The following TGFBR3 variants were observed in gnomAD, a reference collection of about 807,000 sequenced individuals.
TGFBR3 encodes transforming growth factor beta receptor 3.
TGFBR3 carries 46 observed loss-of-function variants against 87.9 expected under a neutral mutation model. The ratio of observed to expected loss-of-function variants is 0.52; its 90% CI spans 0.41 to 0.67. The LOEUF (loss-of-function observed/expected upper bound fraction) is 0.67, where lower values mean the gene tolerates loss of function less well. Ranked by LOEUF, TGFBR3 falls within the 30% of genes least tolerant of loss-of-function variation. The pLI, the probability that TGFBR3 is intolerant of heterozygous loss-of-function variation, is 0.00. For synonymous variants in TGFBR3, 381 were observed against 391.6 expected, an observed-to-expected ratio of 0.97 and a Z score of 0.32; for missense variants, 866 against 1,041.9, an observed-to-expected ratio of 0.83 and a Z score of 2.32.
intron 2 of TGFBR3, among the ~76,000 whole-genome samples, chr1:91,806,659 G>C (rs984504767): frequency 6.6e-6 from 1 of 152,158 alleles, no homozygotes; most frequent in Non-Finnish European, 1.5e-5. Context: ...CGTGTGTTCA[G>C]CTGTAATAAA....
chr1:91,717,934 C>T (rs2100776168), intron 10 of TGFBR3, among the ~76,000 whole-genome samples: 1 of 150,300 alleles, frequency 6.7e-6, no homozygotes, highest in Admixed American at 6.6e-5. Context: ...TTGGTGTTAA[C>T]TTGGACCCCA....
chr1:91,777,526 C>CCAGGCAAG (rs1674605945), intron 3 of TGFBR3, among the ~76,000 whole-genome samples: 1 of 152,098 alleles, frequency 6.6e-6, no homozygotes, highest in South Asian at 2.1e-4. Flanking sequence ...AAAAGCAGCA[C>CCAGGCAAG]CAGGCAAGCA....
At chr1:91,768,855 AT>A (rs1674277242) in intron 3 of TGFBR3, among the ~76,000 whole-genome samples, 1 of 152,118 alleles carries the variant, frequency 6.6e-6, no homozygotes, top group South Asian at 2.1e-4. Context: ...GAATGGACTA[AT>A]ACATGAATCA....
intron 2 of TGFBR3, among the ~76,000 whole-genome samples, chr1:91,849,898 C>G (rs925363625): frequency 6.6e-6 from 1 of 151,810 alleles, no homozygotes; most frequent in Non-Finnish European, 1.5e-5. Flanking sequence ...CTGGCTAACA[C>G]GGTGAAACCC....
At chr1:91,759,995 C>T (rs1184580951) in intron 3 of TGFBR3, among the ~76,000 whole-genome samples, 1 of 152,242 alleles carries the variant, frequency 6.6e-6, no homozygotes, top group African/African-American at 2.4e-5. Flanking sequence ...TGTCACTTAT[C>T]ATAGTATGCT....
intron 1 of TGFBR3, among the ~76,000 whole-genome samples, chr1:91,874,985 T>G (rs1258221503): frequency 1.3e-5 from 2 of 152,168 alleles, no homozygotes; most frequent in Non-Finnish European, 2.9e-5. Flanking sequence ...GATTCTGAGT[T>G]GATTTTCTGT....
chr1:91,740,775 A>G (rs1365087425), intron 4 of TGFBR3, among the ~76,000 whole-genome samples: 1 of 152,208 alleles, frequency 6.6e-6, no homozygotes, highest in Admixed American at 6.5e-5. Context: ...CTACCAGTCC[A>G]TGCTCCAGAC....
intron 4 of TGFBR3, among the ~76,000 whole-genome samples, chr1:91,747,898 G>T (rs1051375441): frequency 6.6e-6 from 1 of 152,172 alleles, no homozygotes; most frequent in African/African-American, 2.4e-5. Context: ...GACTTTGATT[G>T]CCCTGCCTGT....
chr1:91,710,069 G>A (rs1671927572), intron 13 of TGFBR3, among the ~76,000 whole-genome samples: 2 of 152,192 alleles, frequency 1.3e-5, no homozygotes, highest in Admixed American at 6.5e-5. Context: ...TAACTCTAAA[G>A]TAAATGACAG....
intron 4 of TGFBR3, among the ~76,000 whole-genome samples, chr1:91,744,517 T>C (rs913790263): frequency 6.6e-6 from 1 of 152,206 alleles, no homozygotes; most frequent in African/African-American, 2.4e-5. Context: ...AGGAACATGT[T>C]TATGAACTGA....
In TGFBR3 at chr1:91,740,185, G is replaced by A. The variant is rs576002479; in HGVS notation, c.385-5226C>T. Reference sequence around the variant, plus strand: ...AGAGATTATTCTGCCTTAGCCTCCCGAGTAGCTGGGATTACAGGCGTGTGC... The same window carrying A: ...AGAGATTATTCTGCCTTAGCCTCCCAAGTAGCTGGGATTACAGGCGTGTGC... On this transcript the variant is annotated intron_variant, in intron 4 of 16. Transcript: ENST00000212355. Among the ~76,000 whole-genome samples, 13 of 150,088 alleles carry A rather than the reference G, an allele frequency of 8.7e-5. No homozygotes were observed. The East Asian group carries it at 2.0e-3, about 23-fold the overall frequency.
intron 3 of TGFBR3, among the ~76,000 whole-genome samples, chr1:91,773,379 T>C (rs1348949671): frequency 6.6e-6 from 1 of 151,982 alleles, no homozygotes; most frequent in Non-Finnish European, 1.5e-5. Flanking sequence ...TCAGTAAAAG[T>C]CTTCAGGACA....
chr1:91,831,883 T>A (rs1000774060), intron 2 of TGFBR3, among the ~76,000 whole-genome samples: 1 of 152,182 alleles, frequency 6.6e-6, no homozygotes, highest in Non-Finnish European at 1.5e-5. Context: ...ATGTTCAAAA[T>A]CTGCTGCATT....
chr1:91,764,640 G>A (rs1469399577), intron 3 of TGFBR3, among the ~76,000 whole-genome samples: 2 of 152,150 alleles, frequency 1.3e-5, no homozygotes, highest in East Asian at 1.9e-4. Flanking sequence ...GTGGAGGAAC[G>A]CTGCTAGTGC....
intron 2 of TGFBR3, among the ~76,000 whole-genome samples, chr1:91,828,077 G>A (rs918449881): frequency 2.0e-5 from 3 of 152,170 alleles, no homozygotes; most frequent in Non-Finnish European, 4.4e-5. Flanking sequence ...TCACGCTGAG[G>A]TCTGCTTCTC....
intron 4 of TGFBR3, among the ~76,000 whole-genome samples, chr1:91,747,615 T>A (rs1673389380): frequency 6.6e-6 from 1 of 152,240 alleles, no homozygotes; most frequent in African/African-American, 2.4e-5. Context: ...ATGGTCAGTT[T>A]TATATGTCAA....
intron 2 of TGFBR3, among the ~76,000 whole-genome samples, chr1:91,896,387 A>G (rs1342346425): frequency 6.6e-6 from 1 of 152,218 alleles, no homozygotes; most frequent in African/African-American, 2.4e-5. Context: ...CTAGGGCTCA[A>G]TGAGAGACTG....
chr1:91,898,447 T>G (rs1010913707), intron 2 of TGFBR3, among the ~76,000 whole-genome samples: 2 of 137,096 alleles, frequency 1.5e-5, no homozygotes, highest in East Asian at 1.9e-4. Flanking sequence ...GGTTTTTCTG[T>G]TTTTTTTGAG....
intron 2 of TGFBR3, among the ~76,000 whole-genome samples, chr1:91,893,831 A>T (rs1679494631): frequency 1.3e-5 from 2 of 151,778 alleles, no homozygotes; most frequent in Non-Finnish European, 1.5e-5. Context: ...AAAAGCGTTC[A>T]GTCAGTTGGA....
Sources: allele counts gnomAD v4.1 joint callset (sites outside exome capture counted in the v4.1 genomes callset), GRCh38; gene constraint gnomAD v4.1.1; transcripts MANE v1.5; gene names NCBI Gene and HGNC (gene_info 2026-07-23, HGNC 2026-07-21).